The following NBPF10 variants were observed in gnomAD, a reference collection of about 807,000 sequenced individuals.
NBPF10 encodes NBPF member 10.
In NBPF10, 63 loss-of-function variants were observed where a neutral mutation model predicts 77.9. The observed-to-expected ratio is 0.81, with a 90% CI of 0.66 to 1.00. The LOEUF (loss-of-function observed/expected upper bound fraction) is 1.00, where lower values mean the gene tolerates loss of function less well. NBPF10 is among the 50% of genes least tolerant of loss of function. The probability of loss-of-function intolerance (pLI) is 0.00; values close to 1 mark genes in which losing one functional copy is unlikely to be tolerated. For synonymous variants in NBPF10, 146 were observed against 264.5 expected, an observed-to-expected ratio of 0.55 and a Z score of 4.35; for missense variants, 522 against 679.8, an observed-to-expected ratio of 0.77 and a Z score of 2.58.
intron 89 of NBPF10, 96 bp downstream of exon 89, chr1:146,067,084 G>A (rs1185320209): frequency 2.8e-5 from 17 of 603,616 alleles, no homozygotes; most frequent in Middle Eastern, 4.6e-4. Context: ...TTCAGCCTTC[G>A]TTGAAAACAT....
At chr1:146,132,913 CAAA>C (rs59023668) in intron 10 of NBPF10, among the ~76,000 whole-genome samples, 1,573 of 15,372 alleles carry the variant, frequency 0.1, 69 homozygotes, top group East Asian at 0.33. Context: ...GACTCCATTG[CAAA>C]AAAAAAAAAA....
At chr1:146,125,543 C>T (rs781865948) in intron 14 of NBPF10, 27 bp from the exon 15 acceptor site, 9 of 671,966 alleles carry the variant, frequency 1.3e-5, no homozygotes, top group East Asian at 5.3e-5. Context: ...CATGGACAGA[C>T]ATATTAAGCT....
intron 88 of NBPF10, among the ~76,000 whole-genome samples, 199 bp from the exon 89 acceptor site, chr1:146,067,487 T>G (rs1412322503): frequency 7.0e-6 from 1 of 142,966 alleles, no homozygotes; most frequent in African/African-American, 2.6e-5. Context: ...GTGGGTAAAA[T>G]GTCCCTATTC....
chr1:146,069,312 G>A (rs1417703254), intron 86 of NBPF10, among the ~76,000 whole-genome samples: 1 of 91,644 alleles, frequency 1.1e-5, no homozygotes, highest in Admixed American at 1.1e-4. Context: ...TTGAGAGTAG[G>A]ATTAGGGCGC....
intron 4 of NBPF10, among the ~76,000 whole-genome samples, 151 bp downstream of exon 4, chr1:146,140,332 GC>G (rs1660172221): frequency 7.9e-6 from 1 of 126,568 alleles, no homozygotes; most frequent in African/African-American, 2.6e-5. Context: ...CACGACAGCT[GC>G]CGCACCCTGT....
intron 5 of NBPF10, among the ~76,000 whole-genome samples, chr1:146,139,151 G>A (rs1478934380): frequency 4.3e-4 from 61 of 142,568 alleles, no homozygotes; most frequent in African/African-American, 1.5e-3. Flanking sequence ...CCAGGCTGGA[G>A]TGCAGTGGCA....
chr1:146,126,596 GACACACACACACACACACAC>G (rs56881979), intron 13 of NBPF10, among the ~76,000 whole-genome samples, 188 bp from the exon 14 acceptor site: 2 of 113,608 alleles, frequency 1.8e-5, no homozygotes, highest in African/African-American at 3.1e-5. Flanking sequence ...GAACGAGAAA[GACACACACACACACACACAC>G]ACACACACAC....
chr1:146,126,256 C>A (rs782733370), exon 14 of NBPF10: 2 of 1,608,524 alleles, frequency 1.2e-6, no homozygotes, highest in Admixed American at 3.3e-5. Context: ...AATAGCCAAG[C>A]CAACACGCTG....
intron 7 of NBPF10, among the ~76,000 whole-genome samples, chr1:146,136,111 T>C (rs1314544505): frequency 4.0e-5 from 6 of 150,586 alleles, no homozygotes; most frequent in African/African-American, 1.5e-4. Flanking sequence ...TTTTGTGTTA[T>C]GTAAATTTCA....
rs1658638967 is a variant in NBPF10 at position 146,126,307 on chromosome 1, G to T, written c.1955C>A (p.Ser652Ter). Residue 652 changes from serine to a stop codon, truncating the protein, a stop_gained, in exon 14 of 90, where the codon TCA (serine) becomes TAA (stop). Transcript: ENST00000583866. LOFTEE classifies it high-confidence loss of function. ...AAAGGCACTTCTGTAGGGCTGGCAT[G>T]AGTCAGTCAGTTCAAGACAACCTGA... The T allele has an allele frequency of 2.0e-6, 3 of 1,520,548 alleles. No individual in the cohort carries two copies. 94.2% of individuals were successfully genotyped at this position (1,520,548 alleles called of 1,614,324 possible).
At chr1:146,121,870 G>A (rs1553788685) in intron 19 of NBPF10, among the ~76,000 whole-genome samples, 200 bp from the exon 20 acceptor site, 3 of 143,128 alleles carry the variant, frequency 2.1e-5, no homozygotes, top group Admixed American at 6.9e-5. Context: ...CAGAGAGAGA[G>A]AGACAGAGAC....
In NBPF10 at chr1:146,126,207, C is replaced by T. The variant is rs782239041; in HGVS notation, c.2026+29G>A. ...ACCCTAACCAGAAGACTCAGTGGAT[C>T]CTTATCACCTTCATAGAAAGGTACT... On this transcript the variant is annotated intron_variant, in intron 14 of 89. Coordinates refer to ENST00000583866, the Ensembl canonical transcript of NBPF10. 1.0e-4 allele frequency: 139 copies of T among 1,356,656 alleles called. No individual in the cohort carries two copies. In the African/African-American group the frequency reaches 1.6e-3, roughly 15 times the overall value. The allele number at this position is 1,356,656 out of a possible 1,614,324, so 84.0% of individuals were successfully genotyped here.
rs781998438 is a variant in NBPF10, at chr1:146,142,643, C to T, written c.278+7G>A. ...CCCGCCTGCCTCCCCCTATGGGGTCCCCTCACCTGAGCTCCTCAGCTTGCT... is the reference window on the plus strand; with the variant it reads ...CCCGCCTGCCTCCCCCTATGGGGTCTCCTCACCTGAGCTCCTCAGCTTGCT... On this transcript the variant is annotated splice_region_variant and intron_variant, in intron 2 of 89. Transcript: ENST00000583866. The T allele has an allele frequency of 2.6e-5, 35 of 1,326,650 alleles. 10 individuals carry two copies. The South Asian group carries it at 4.7e-4, about 18-fold the overall frequency. 82.2% of individuals were successfully genotyped at this position (1,326,650 alleles called of 1,614,324 possible).
intron 89 of NBPF10, 70 bp downstream of exon 89, chr1:146,067,110 C>A (rs1398855812): frequency 1.3e-5 from 8 of 623,946 alleles, no homozygotes; most frequent in African/African-American, 3.6e-5. Flanking sequence ...CAAACACACT[C>A]TGGTTTCCCT....
rs782050996 is a variant in NBPF10 at position 146,134,275 on chromosome 1, C to G, written c.1307-10G>C. Reference sequence around the variant, plus strand: ...TCATCGTTGTCATTTTCTGCAAATACAGAAGTGTTCGTTCAGGTATTTCCC... The same window carrying G: ...TCATCGTTGTCATTTTCTGCAAATAGAGAAGTGTTCGTTCAGGTATTTCCC... On this transcript the variant is annotated splice_polypyrimidine_tract_variant and intron_variant, in intron 8 of 89. Transcript: ENST00000583866. 1.9e-6 allele frequency: 3 copies of G among 1,603,356 alleles called. No homozygotes were observed. The highest frequency in any genetic ancestry group is 1.1e-5 in the South Asian group (1 of 90,750).
At chr1:146,109,356 AGAGAG>A (rs1657360126) in intron 35 of NBPF10, among the ~76,000 whole-genome samples, 5 of 65,306 alleles carry the variant, frequency 7.7e-5, no homozygotes, top group Admixed American at 2.0e-4. Context: ...AGAGAGAGAG[AGAGAG>A]AACGAGCTCA....
chr1:146,073,159 G>A lies in NBPF10; in HGVS notation c.10131-258C>T, dbSNP rs1223452271. ...CGAATTGGCCGGGTGACACACTGAT[G>A]AAGGGGTCAAAGGACACTCTGAGTT... is the stretch of plus-strand genomic sequence containing the variant. On this transcript the variant is annotated intron_variant, in intron 81 of 89. Coordinates refer to ENST00000583866, the Ensembl canonical transcript of NBPF10. Among the ~76,000 whole-genome samples, 26 of 65,500 alleles carry A rather than the reference G, an allele frequency of 4.0e-4. 8 individuals carry two copies. The highest frequency in any genetic ancestry group is 3.6e-4 in the Non-Finnish European group (13 of 36,256). 43.0% of individuals were successfully genotyped at this position (65,500 alleles called of 152,430 possible).
chr1:146,109,362 A>AGAGAGAGAGAGAG (rs1657362206), intron 35 of NBPF10, among the ~76,000 whole-genome samples: 1 of 61,362 alleles, frequency 1.6e-5, no homozygotes, highest in African/African-American at 4.8e-5. Flanking sequence ...AGAGAGAGAG[A>AGAGAGAGAGAGAG]ACGAGCTCAG....
chr1:146,127,990 C>T (rs1658913816), intron 12 of NBPF10, 129 bp downstream of exon 12: 3 of 1,531,276 alleles, frequency 2.0e-6, no homozygotes, highest in South Asian at 2.2e-5. Flanking sequence ...CTGAAGTCTA[C>T]ATTGATATAT....
Sources: allele counts gnomAD v4.1 joint callset (sites outside exome capture counted in the v4.1 genomes callset), GRCh38; gene constraint gnomAD v4.1.1; transcripts MANE v1.5; gene names NCBI Gene and HGNC (gene_info 2026-07-23, HGNC 2026-07-21).